Variants in MACROD2 observed in about 807,000 individuals in gnomAD.
MACROD2 encodes mono-ADP ribosylhydrolase 2.
A neutral mutation model predicts 70.4 loss-of-function variants in MACROD2; 36 were observed. The ratio of observed to expected loss-of-function variants is 0.51; its 90% confidence interval spans 0.39 to 0.68. The LOEUF (loss-of-function observed/expected upper bound fraction) is 0.68, where lower values mean the gene tolerates loss of function less well. Ranked by LOEUF, MACROD2 falls within the 30% of genes least tolerant of loss-of-function variation. MACROD2 has a pLI of 0.00. For missense variants in MACROD2, 496 were observed against 538.4 expected (o/e 0.92, Z 0.78); for synonymous variants, 172 against 178.8 (o/e 0.96, Z 0.30).
chr20:15,209,456 A>G (rs1337194510), intron 5 of MACROD2, among the ~76,000 whole-genome samples: 5 of 152,190 alleles, frequency 3.3e-5, no homozygotes, highest in Non-Finnish European at 5.9e-5. Context: ...TTAGGAAAAG[A>G]TGAAAATAAC....
intron 3 of MACROD2, among the ~76,000 whole-genome samples, chr20:14,174,834 C>T (rs975683137): frequency 6.6e-6 from 1 of 152,184 alleles, no homozygotes; most frequent in African/African-American, 2.4e-5. Flanking sequence ...CCCTGGGGAC[C>T]AAGAGTGCCC....
chr20:15,841,388 T>G lies in MACROD2; in HGVS notation c.646-21357T>G, dbSNP rs149588711. Among the ~76,000 whole-genome samples the G allele has an allele frequency of 9.8e-3, 1,498 of 152,282 alleles. 21 individuals are homozygous for G. Among genetic ancestry groups the G allele is most frequent in the Non-Finnish European group, 0.012 (841 of 68,016 alleles). On this transcript the variant is annotated intron_variant, in intron 8 of 17. Coordinates refer to ENST00000684519, the MANE Select transcript of MACROD2 (RefSeq NM_001351661.2). The stretch of plus-strand genomic sequence containing the variant: ...GTAATTTAAAAGAAAAGAGGTTTAC[T>G]TGGCTCAAAATTCTGTAAGCTGTGC...
intron 5 of MACROD2, among the ~76,000 whole-genome samples, chr20:14,917,270 C>T (rs367669530): frequency 6.6e-6 from 1 of 151,314 alleles, no homozygotes; most frequent in African/African-American, 2.4e-5. Context: ...GGTCTCTATT[C>T]TTCCATGTAT....
chr20:15,457,623 C>T (rs1313882977), intron 7 of MACROD2, among the ~76,000 whole-genome samples: 1 of 152,132 alleles, frequency 6.6e-6, no homozygotes, highest in Non-Finnish European at 1.5e-5. Flanking sequence ...CTTTTCATGT[C>T]GTTGGCAGAA....
At chr20:14,999,004 A>AGC (rs1251031838) in intron 5 of MACROD2, among the ~76,000 whole-genome samples, 3 of 152,236 alleles carry the variant, frequency 2.0e-5, no homozygotes, top group Non-Finnish European at 4.4e-5. Flanking sequence ...GAAGGCAAAA[A>AGC]GCTTTTATCC....
intron 6 of MACROD2, among the ~76,000 whole-genome samples, chr20:15,423,288 G>A (rs549037010): frequency 2.0e-5 from 3 of 152,264 alleles, no homozygotes; most frequent in East Asian, 1.9e-4. Flanking sequence ...TACATGAGGC[G>A]TGTTCTTATG....
At chr20:14,417,097 CTATCTAT>C (rs2083818070) in intron 3 of MACROD2, among the ~76,000 whole-genome samples, 1 of 109,758 alleles carries the variant, frequency 9.1e-6, no homozygotes, top group Non-Finnish European at 2.0e-5. Flanking sequence ...ATCTATCTAT[CTATCTAT>C]CTATCTCTGC....
intron 15 of MACROD2, among the ~76,000 whole-genome samples, chr20:15,990,122 G>A (rs16996900): frequency 0.059 from 8,936 of 152,168 alleles, 379 homozygotes; most frequent in East Asian, 0.17. Context: ...GGCAGAAAGT[G>A]AGGTTTCACA....
At chr20:15,413,329 T>C (rs766766941) in intron 6 of MACROD2, among the ~76,000 whole-genome samples, 52 of 152,306 alleles carry the variant, frequency 3.4e-4, no homozygotes, top group Non-Finnish European at 6.6e-4. Flanking sequence ...GTGACCAGAC[T>C]AAAGGAAATA....
chr20:15,236,690 T>C (rs1301583589), intron 6 of MACROD2, among the ~76,000 whole-genome samples: 1 of 152,220 alleles, frequency 6.6e-6, no homozygotes, highest in Non-Finnish European at 1.5e-5. Flanking sequence ...ATCGTGATTC[T>C]GTTTCTCCAC....
chr20:15,417,092 G>A (rs1016542325), intron 6 of MACROD2, among the ~76,000 whole-genome samples: 2 of 152,122 alleles, frequency 1.3e-5, no homozygotes, highest in African/African-American at 2.4e-5. Context: ...CTGCATATGC[G>A]TTGGTAAACT....
intron 8 of MACROD2, among the ~76,000 whole-genome samples, chr20:15,572,549 A>G (rs987441452): frequency 6.6e-6 from 1 of 152,148 alleles, no homozygotes; most frequent in African/African-American, 2.4e-5. Flanking sequence ...TTCTCAGAAG[A>G]GCTGAGTCTG....
chr20:14,541,295 T>C (rs1251714406), intron 4 of MACROD2, among the ~76,000 whole-genome samples: 1 of 152,162 alleles, frequency 6.6e-6, no homozygotes, highest in African/African-American at 2.4e-5. Flanking sequence ...CCATTTGGTC[T>C]GGCAAGTTCT....
intron 10 of MACROD2, among the ~76,000 whole-genome samples, chr20:15,915,106 T>C (rs1019916792): frequency 6.6e-6 from 1 of 152,118 alleles, no homozygotes; most frequent in South Asian, 2.1e-4. Flanking sequence ...CTACTCCTGT[T>C]GTTTAGGTTT....
rs537149308 is a variant in MACROD2 at position 14,642,748 on chromosome 20, A to G, written c.302-42095A>G. ...TTATGGGCTTTATTGGTGGTGCCCA[A>G]AACAATTGCAATAGTAACATCAAAG... On this transcript the variant is annotated intron_variant, in intron 4 of 17. Coordinates refer to ENST00000684519, the MANE Select transcript of MACROD2 (RefSeq NM_001351661.2). 3.3e-5 allele frequency among the ~76,000 whole-genome samples: 5 copies of G among 152,234 alleles called. No individual in the cohort carries two copies. In the East Asian group the frequency reaches 9.6e-4, roughly 29 times the overall value.
intron 5 of MACROD2, among the ~76,000 whole-genome samples, chr20:14,892,046 C>G (rs1427555042): frequency 6.6e-6 from 1 of 152,126 alleles, no homozygotes; most frequent in Admixed American, 6.5e-5. Flanking sequence ...GTGACTGTAT[C>G]ATAATCTATT....
intron 8 of MACROD2, among the ~76,000 whole-genome samples, chr20:15,734,681 T>A (rs1300548123): frequency 6.6e-6 from 1 of 152,192 alleles, no homozygotes; most frequent in African/African-American, 2.4e-5. Flanking sequence ...TTTACCTATT[T>A]CTTGTCCCTT....
intron 13 of MACROD2, among the ~76,000 whole-genome samples, chr20:15,968,521 G>C (rs1359288267): frequency 6.6e-6 from 1 of 151,744 alleles, no homozygotes; most frequent in Non-Finnish European, 1.5e-5. Context: ...GGGACTATAT[G>C]GTAAGAGACT....
chr20:14,588,891 T>G (rs947818646), intron 4 of MACROD2, among the ~76,000 whole-genome samples: 2 of 152,236 alleles, frequency 1.3e-5, no homozygotes, highest in African/African-American at 4.8e-5. Flanking sequence ...CCAAGTAACT[T>G]ATAATGCTAT....
Sources: gnomAD v4.1 joint callset for allele counts (sites outside exome capture counted in the v4.1 genomes callset) on GRCh38, gnomAD v4.1.1 for gene constraint, MANE v1.5 for transcripts, NCBI Gene and HGNC (gene_info 2026-07-23, HGNC 2026-07-21) for gene names.